The following TNIK variants were observed in gnomAD, a reference collection of about 807,000 sequenced individuals.
TNIK encodes the protein TRAF2 and NCK interacting kinase.
TNIK carries 49 observed loss-of-function variants against 191.3 expected under a neutral mutation model. The observed-to-expected ratio is 0.26, with a 90% CI of 0.20 to 0.32. The LOEUF is 0.32. TNIK is among the 10% of genes least tolerant of loss of function. The pLI is 1.00. For missense variants in TNIK, 1,155 were observed against 1,702.3 expected (o/e 0.68, Z 5.66); for synonymous variants, 594 against 600.9 (o/e 0.99, Z 0.17).
intron 2 of TNIK, among the ~76,000 whole-genome samples, chr3:171,259,344 C>T (rs1202365983): frequency 6.6e-6 from 1 of 152,152 alleles, no homozygotes; most frequent in Non-Finnish European, 1.5e-5. Context: ...TGGGATAAGA[C>T]TCAGGTTTTA....
intron 2 of TNIK, among the ~76,000 whole-genome samples, chr3:171,307,038 G>A (rs1048652271): frequency 6.6e-6 from 1 of 152,130 alleles, no homozygotes; most frequent in Non-Finnish European, 1.5e-5. Context: ...TTTAGACCGA[G>A]AAATTCATGG....
Position 171,177,309 on chromosome 3 carries a change from C to A in TNIK, c.694+17G>T, listed in dbSNP as rs1379456766. On this transcript the variant is annotated intron_variant, in intron 8 of 32. Transcript: ENST00000436636. The stretch of plus-strand genomic sequence containing the variant: ...AGCAGACCAGCAACAGATTTCACCC[C>A]AGAGGAGGGTACTTACGGGGAGCAC... 5 of 1,602,786 alleles carry A rather than the reference C, an allele frequency of 3.1e-6. No homozygotes were observed. The highest frequency in any genetic ancestry group is 4.3e-6 in the Non-Finnish European group (5 of 1,174,652).
chr3:171,289,837 G>T (rs1226366415), intron 2 of TNIK, among the ~76,000 whole-genome samples: 1 of 151,098 alleles, frequency 6.6e-6, no homozygotes, highest in Non-Finnish European at 1.5e-5. Context: ...AGGAGGCAGA[G>T]GTTGCAGTGA....
intron 2 of TNIK, among the ~76,000 whole-genome samples, chr3:171,248,294 T>A (rs1745839770): frequency 6.6e-6 from 1 of 152,004 alleles, no homozygotes; most frequent in Non-Finnish European, 1.5e-5. Flanking sequence ...GAGCAACTAT[T>A]CCAGGGAAAA....
chr3:171,243,307 T>A (rs573166994), intron 2 of TNIK, among the ~76,000 whole-genome samples: 2 of 152,308 alleles, frequency 1.3e-5, no homozygotes, highest in South Asian at 2.1e-4. Context: ...TGAAAGGGCA[T>A]CATTTCTGTA....
chr3:171,354,150 A>C (rs1423382460), intron 2 of TNIK, among the ~76,000 whole-genome samples: 1 of 152,188 alleles, frequency 6.6e-6, no homozygotes, highest in African/African-American at 2.4e-5. Context: ...CATTATATAT[A>C]TGTAATATAT....
intron 2 of TNIK, among the ~76,000 whole-genome samples, chr3:171,323,646 C>G (rs1385726710): frequency 6.6e-6 from 1 of 152,112 alleles, no homozygotes; most frequent in African/African-American, 2.4e-5. Flanking sequence ...TAAACACAGT[C>G]TGAAGGGTGG....
intron 7 of TNIK, among the ~76,000 whole-genome samples, chr3:171,179,713 G>A (rs148916376): frequency 0.013 from 1,966 of 152,298 alleles, 39 homozygotes; most frequent in African/African-American, 0.045. Context: ...GCCTCCCAAA[G>A]TGCTGGGATT....
At chr3:171,184,333 C>A (rs1306585064) in intron 7 of TNIK, among the ~76,000 whole-genome samples, 4 of 152,156 alleles carry the variant, frequency 2.6e-5, no homozygotes, top group Non-Finnish European at 1.5e-5. Flanking sequence ...ACACATAAAA[C>A]AAACTGAGGA....
chr3:171,308,878 A>G (rs1187214328), intron 2 of TNIK, among the ~76,000 whole-genome samples: 2 of 152,068 alleles, frequency 1.3e-5, no homozygotes, highest in Non-Finnish European at 2.9e-5. Flanking sequence ...TAGAATGGTT[A>G]TTAAAAAGTC....
chr3:171,284,158 C>A (rs1750771058), intron 2 of TNIK, among the ~76,000 whole-genome samples: 1 of 151,938 alleles, frequency 6.6e-6, no homozygotes, highest in Non-Finnish European at 1.5e-5. Flanking sequence ...TGTGTCTTAG[C>A]CCCTCATTGT....
At position 171,159,374 on chromosome 3, in the gene TNIK, A is replaced by G. The variant is rs145995260; in HGVS notation, c.1017-1710T>C. Among the ~76,000 whole-genome samples the G allele has an allele frequency of 8.7e-3, 1,282 of 147,786 alleles. 12 individuals are homozygous for G. The highest frequency in any genetic ancestry group is 0.033 in the South Asian group (145 of 4,360). On this transcript the variant is annotated intron_variant, in intron 11 of 32. Coordinates refer to ENST00000436636, the MANE Select transcript of TNIK (RefSeq NM_015028.4). The surrounding 1 kb of genome is among the most constrained non-coding windows in gnomAD (Gnocchi z 4.1). ...GGAGCAAGTTTCGTGGCAGTTAACA[A>G]GAGGACCAAGGATCGGTTTTGGAGA...
Position 171,343,689 on chromosome 3 carries a change from A to C in TNIK, c.123+25931T>G, listed in dbSNP as rs535806183. On this transcript the variant is annotated intron_variant, in intron 2 of 32. Transcript: ENST00000436636. Reference sequence around the variant, plus strand: ...TCCAGGCAGAGATTATTTATACCACATCTCATATTTTCCTGCCTCTCAAAG... The same window carrying C: ...TCCAGGCAGAGATTATTTATACCACCTCTCATATTTTCCTGCCTCTCAAAG... 2.0e-5 allele frequency among the ~76,000 whole-genome samples: 3 copies of C among 152,266 alleles called. No homozygotes were observed. In the South Asian group the frequency reaches 6.2e-4, roughly 32 times the overall value.
intron 1 of TNIK, among the ~76,000 whole-genome samples, chr3:171,386,997 T>G (rs927717218): frequency 6.6e-6 from 1 of 152,364 alleles, no homozygotes; most frequent in East Asian, 1.9e-4. Flanking sequence ...GAGGTTTTTC[T>G]GTGAGGCAAA....
intron 4 of TNIK, among the ~76,000 whole-genome samples, chr3:171,209,031 G>C (rs1357257067): frequency 6.7e-6 from 1 of 149,700 alleles, no homozygotes; most frequent in Non-Finnish European, 1.5e-5. Flanking sequence ...TGTGAAAATA[G>C]GGAGTCAAAA....
At chr3:171,338,208 C>T (rs1325091289) in intron 2 of TNIK, among the ~76,000 whole-genome samples, 2 of 152,094 alleles carry the variant, frequency 1.3e-5, no homozygotes, top group Non-Finnish European at 2.9e-5. Flanking sequence ...AATCCTTCCA[C>T]TCTTCATTGC....
chr3:171,175,925 G>A (rs1360005734), intron 8 of TNIK, among the ~76,000 whole-genome samples: 1 of 152,172 alleles, frequency 6.6e-6, no homozygotes, highest in South Asian at 2.1e-4. Flanking sequence ...GCCCCAGGAA[G>A]CCCAGAGGAT....
intron 12 of TNIK, among the ~76,000 whole-genome samples, chr3:171,155,864 T>G (rs971177572): frequency 6.6e-6 from 1 of 152,356 alleles, no homozygotes; most frequent in Non-Finnish European, 1.5e-5. Flanking sequence ...ATGCAGTGAC[T>G]TGGTGCTTAG....
At chr3:171,142,246 C>T (rs757961946) in intron 12 of TNIK, among the ~76,000 whole-genome samples, 6 of 152,170 alleles carry the variant, frequency 3.9e-5, no homozygotes, top group Non-Finnish European at 5.9e-5. Flanking sequence ...AAAAGGCCTC[C>T]CCATCATCCA....
Sources: gnomAD v4.1 joint callset for allele counts (sites outside exome capture counted in the v4.1 genomes callset) on GRCh38, gnomAD v4.1.1 for gene constraint, Gnocchi (gnomAD v3.1) non-coding constraint, MANE v1.5 for transcripts, NCBI Gene and HGNC (gene_info 2026-07-23, HGNC 2026-07-21) for gene names.